Variants in SRGAP3 observed in about 807,000 individuals in gnomAD.
SRGAP3 encodes SLIT-ROBO Rho GTPase activating protein 3, also known as SLIT-ROBO Rho GTPase-activating protein 3.
SRGAP3 carries 39 observed loss-of-function variants against 121.1 expected under a neutral mutation model. The ratio of observed to expected loss-of-function variants is 0.32; its 90% CI spans 0.25 to 0.42. The LOEUF is 0.42. Among genes scored for constraint, SRGAP3 ranks in the 10% least tolerant of loss-of-function variants. The pLI is 1.00. For synonymous variants in SRGAP3, 601 were observed against 570.0 expected, an observed-to-expected ratio of 1.05 and a Z score of -0.77; for missense variants, 1,213 against 1,470.6, an observed-to-expected ratio of 0.82 and a Z score of 2.86.
At chr3:9,115,199 G>A (rs1014773834) in intron 2 of SRGAP3, among the ~76,000 whole-genome samples, 3 of 152,092 alleles carry the variant, frequency 2.0e-5, no homozygotes, top group Admixed American at 2.0e-4. Flanking sequence ...CACCTTCCTT[G>A]ACTCCTTCAA....
At chr3:9,058,711 T>G in intron 6 of SRGAP3, 1 of 402,704 alleles carries the variant, frequency 2.5e-6, no homozygotes. Context: ...TCTTTCTCTC[T>G]CTCTTTTTTT....
rs953702651 is a variant in SRGAP3, at chr3:9,270,434, G to A, written n.442+55576C>T. 2.0e-5 allele frequency among the ~76,000 whole-genome samples: 3 copies of A among 151,970 alleles called. No homozygotes were observed. The East Asian group carries it at 5.8e-4, about 29-fold the overall frequency. On this transcript the variant is annotated intron_variant and non_coding_transcript_variant, in intron 3 of 3. Coordinates refer to the SRGAP3 transcript ENST00000490889. ...ATGGGGGTGGAGATTGACCAGAAAG[G>A]GTCCCAAGGGAACCATCTGGAGTAA... is the stretch of plus-strand genomic sequence containing the variant.
chr3:9,362,617 A>AT (rs796195217), intron 1 of SRGAP3, among the ~76,000 whole-genome samples: 26 of 151,816 alleles, frequency 1.7e-4, no homozygotes, highest in South Asian at 6.2e-4. Flanking sequence ...CACTATTTCT[A>AT]TTTTTTTTAA....
chr3:9,225,524 A>T (rs1952956641), intron 1 of SRGAP3, among the ~76,000 whole-genome samples: 2 of 152,154 alleles, frequency 1.3e-5, no homozygotes, highest in African/African-American at 2.4e-5. Context: ...AGATGAAAGA[A>T]TTGGAGGCTG....
rs761954095 is a variant in SRGAP3, at chr3:9,058,439, G to A, written c.835C>T (p.Arg279Cys). Residue 279 changes from arginine (R) to cysteine (C), a missense_variant, in exon 7 of 22, where the codon CGC (arginine) becomes TGC (cysteine). Arg to Cys is a radical substitution (Grantham distance 180). Around this residue, in one of 2 missense-constraint regions of SRGAP3, gnomAD observed 793 missense variants for 1,032.9 expected, o/e 0.77. Transcript: ENST00000383836. ...GCTGAGAGATAGGTCCGGAAGGTGC[G>A]GGCCAGGCTGGCATGGAAGCCCAAA... is the stretch of plus-strand genomic sequence containing the variant. The part of the protein sequence containing the change: ...CDLGFHASLA[R>C]TFRTYLSAEY... 3.7e-6 allele frequency: 6 copies of A among 1,614,090 alleles called. No homozygotes were observed. The highest frequency in any genetic ancestry group is 2.2e-5 in the South Asian group (2 of 91,080).
chr3:9,067,798 T>C (rs1051991286), intron 4 of SRGAP3, among the ~76,000 whole-genome samples: 1 of 151,946 alleles, frequency 6.6e-6, no homozygotes. Context: ...TCCTGGAACT[T>C]AAAATAAAAA....
chr3:9,116,478 G>C (rs371032386), intron 2 of SRGAP3, among the ~76,000 whole-genome samples: 5 of 152,166 alleles, frequency 3.3e-5, no homozygotes, highest in African/African-American at 9.7e-5. Flanking sequence ...ATAGGAACTG[G>C]ATCACTCCTT....
chr3:9,093,674 A>C (rs976201183), intron 3 of SRGAP3, among the ~76,000 whole-genome samples: 2 of 152,066 alleles, frequency 1.3e-5, no homozygotes, highest in Admixed American at 6.6e-5. Flanking sequence ...ATCTTTCACC[A>C]CTAATATGTA....
intron 3 of SRGAP3, among the ~76,000 whole-genome samples, chr3:9,309,601 C>T (rs1955210449): frequency 6.6e-6 from 1 of 152,170 alleles, no homozygotes; most frequent in African/African-American, 2.4e-5. Flanking sequence ...TGGCTCAGGG[C>T]TGTAATCCCA....
chr3:9,179,611 G>A (rs1024345920), intron 1 of SRGAP3, among the ~76,000 whole-genome samples: 1 of 152,204 alleles, frequency 6.6e-6, no homozygotes, highest in African/African-American at 2.4e-5. Flanking sequence ...TCTCATTCCT[G>A]CTCCTGCTCT....
Position 8,984,357 on chromosome 3 carries a change from TA to T in SRGAP3, c.*1161del, listed in dbSNP as rs1941569973. On this transcript the variant is annotated 3_prime_UTR_variant, in exon 22 of 22. Coordinates refer to ENST00000383836, the MANE Select transcript of SRGAP3 (RefSeq NM_014850.4). ...AGCCACAGTGCATCACAGCCTGATT[TA>T]AAATGAAAACGATGTGACTCAAAGC... 1 of 230,896 alleles carries T rather than the reference TA, an allele frequency of 4.3e-6. No homozygotes were observed. The highest frequency in any genetic ancestry group is 8.6e-6 in the Non-Finnish European group (1 of 116,534). The allele number at this position is 230,896 out of a possible 1,614,324, so 14.3% of individuals were successfully genotyped here.
chr3:9,253,152 G>C (rs1954054653), upstream of SRGAP3, among the ~76,000 whole-genome samples: 1 of 152,166 alleles, frequency 6.6e-6, no homozygotes, highest in Non-Finnish European at 1.5e-5. Context: ...GAGCAGTGAA[G>C]CAAGTTACCC....
intron 2 of SRGAP3, among the ~76,000 whole-genome samples, chr3:9,107,504 T>C (rs1051916462): frequency 5.3e-5 from 8 of 152,192 alleles, no homozygotes; most frequent in African/African-American, 1.9e-4. Flanking sequence ...TCCCTGCTCT[T>C]CTCATGAATG....
At chr3:9,223,827 T>G (rs912644038) in intron 1 of SRGAP3, among the ~76,000 whole-genome samples, 1 of 152,162 alleles carries the variant, frequency 6.6e-6, no homozygotes, top group Admixed American at 6.5e-5. Context: ...CATAGAAAAG[T>G]GCATGACTGT....
At chr3:8,989,107 T>C (rs1247423378) in intron 21 of SRGAP3, among the ~76,000 whole-genome samples, 4 of 152,234 alleles carry the variant, frequency 2.6e-5, no homozygotes, top group African/African-American at 9.6e-5. Flanking sequence ...CTCCCTAGCA[T>C]CCTGTGGGAC....
chr3:9,116,125 C>G (rs764796422), intron 2 of SRGAP3, among the ~76,000 whole-genome samples: 5 of 152,132 alleles, frequency 3.3e-5, no homozygotes, highest in Non-Finnish European at 5.9e-5. Flanking sequence ...CCTTAAAATA[C>G]CCAGCCTTTG....
At chr3:9,317,361 G>T (rs1238462589) in intron 3 of SRGAP3, among the ~76,000 whole-genome samples, 2 of 152,180 alleles carry the variant, frequency 1.3e-5, no homozygotes, top group Non-Finnish European at 1.5e-5. Flanking sequence ...CCGGCTCCAT[G>T]AAGATTTGGT....
In SRGAP3 at chr3:9,249,262, T is replaced by C. The variant is rs1559242404; in HGVS notation, c.-311A>G. The C allele has an allele frequency of 6.3e-6, 3 of 477,318 alleles. No individual in the cohort carries two copies. Among genetic ancestry groups the C allele is most frequent in the Non-Finnish European group, 1.2e-5 (3 of 259,756 alleles). The allele number at this position is 477,318 out of a possible 1,614,324, so 29.6% of individuals were successfully genotyped here. ...ATTTTTCTTCCAAAAATAATAATAATAGTAATAACCAAGCGCACTCACACA... is the reference window on the plus strand; with the variant it reads ...ATTTTTCTTCCAAAAATAATAATAACAGTAATAACCAAGCGCACTCACACA... On this transcript the variant is annotated 5_prime_UTR_variant, in exon 1 of 22. Transcript: ENST00000383836.
chr3:9,347,054 A>G (rs889662543), intron 1 of SRGAP3, among the ~76,000 whole-genome samples: 7 of 152,134 alleles, frequency 4.6e-5, no homozygotes, highest in African/African-American at 1.4e-4. Context: ...TCGCCCTCCC[A>G]AAGTGCTGGG....
Sources: gnomAD v4.1 joint callset for allele counts (sites outside exome capture counted in the v4.1 genomes callset) on GRCh38, gnomAD v4.1.1 for gene constraint, gnomAD v4.1.1 regional missense constraint, MANE v1.5 for transcripts, NCBI Gene and HGNC (gene_info 2026-07-23, HGNC 2026-07-21) for gene names.